The following MSH3 variants were observed in gnomAD, a reference collection of about 807,000 sequenced individuals.
MSH3 encodes the protein mutS homolog 3, also known as DNA mismatch repair protein Msh3.
MSH3 carries 106 observed loss-of-function variants against 123.3 expected under a neutral mutation model. That is an observed-to-expected ratio of 0.86 (90% confidence interval 0.73 to 1.01). MSH3 has a LOEUF of 1.01. Among genes scored for constraint, MSH3 ranks in the 50% least tolerant of loss-of-function variants. MSH3 has a pLI of 0.00. For synonymous variants in MSH3, 515 were observed against 481.4 expected (o/e 1.07, Z -0.91); for missense variants, 1,459 against 1,347.6 (o/e 1.08, Z -1.29).
intron 20 of MSH3, among the ~76,000 whole-genome samples, chr5:80,848,602 G>T (rs974819763): frequency 3.9e-5 from 6 of 152,204 alleles, no homozygotes; most frequent in African/African-American, 1.4e-4. Context: ...ATCTTATGTG[G>T]ATGGCAGCAG....
intron 3 of MSH3, 130 bp from the exon 4 acceptor site, chr5:80,669,967 A>T: frequency 2.4e-6 from 2 of 827,226 alleles, no homozygotes; most frequent in Non-Finnish European, 3.9e-6. Flanking sequence ...GAATGCTACA[A>T]TGTGCTTCTA....
intron 9 of MSH3, among the ~76,000 whole-genome samples, chr5:80,727,361 AAATTAATAAGAT>A (rs1375874506): frequency 6.6e-6 from 1 of 152,362 alleles, no homozygotes; most frequent in South Asian, 2.1e-4. Flanking sequence ...CCTATAGTTA[AAATTAATAAGAT>A]ATTTTACTGA....
chr5:80,679,093 G>C lies in MSH3; in HGVS notation c.1340G>C (p.Ser447Thr), dbSNP rs750818923. ...CTCATCCACAGAGCCACATCTGTTA[G>C]GTAAGTTGGCACATCACTGGAATAT... ...EALIHRATSV[S>T]VQDDRIRVER... The change falls in exon 8 of 24, where the codon AGT (serine) becomes ACT (threonine). Residue 447 changes from serine (S) to threonine (T), a missense_variant and splice_region_variant. Physicochemically the swap from Ser to Thr is moderately conservative, Grantham distance 58. Coordinates refer to ENST00000265081, the MANE Select transcript of MSH3 (RefSeq NM_002439.5). The C allele has an allele frequency of 4.3e-6, 7 of 1,613,824 alleles. No homozygotes were observed. Among genetic ancestry groups the C allele is most frequent in the South Asian group, 1.1e-5 (1 of 91,060 alleles).
chr5:80,654,743 C>T lies in MSH3; in HGVS notation c.16C>T (p.Pro6Ser), dbSNP rs374904719. 2.5e-4 allele frequency: 404 copies of T among 1,602,034 alleles called. 1 individual carries two copies. The highest frequency in any genetic ancestry group is 3.3e-4 in the Non-Finnish European group (388 of 1,175,910). MSRRK[P>S]ASGGLAASSS... ...TTGCCCTGCCATGTCTCGCCGGAAGCCTGCGTCGGGCGGCCTCGCTGCCTC... is the reference window on the plus strand; with the variant it reads ...TTGCCCTGCCATGTCTCGCCGGAAGTCTGCGTCGGGCGGCCTCGCTGCCTC... Residue 6 changes from proline (P) to serine (S), a missense_variant, in exon 1 of 24, where the codon CCT becomes TCT. Physicochemically the swap from Pro to Ser is moderately conservative, Grantham distance 74. Transcript: ENST00000265081.
At chr5:80,816,911 C>T (rs1745110828) in intron 20 of MSH3, among the ~76,000 whole-genome samples, 2 of 152,210 alleles carry the variant, frequency 1.3e-5, no homozygotes, top group Non-Finnish European at 2.9e-5. Context: ...TAGAATTATT[C>T]TGAGACATTC....
At chr5:80,792,937 T>C in intron 19 of MSH3, 93 bp downstream of exon 19, 1 of 844,548 alleles carries the variant, frequency 1.2e-6, no homozygotes, top group South Asian at 1.5e-5. Flanking sequence ...TTACCCAAAT[T>C]TCAACTTTGG....
intron 8 of MSH3, among the ~76,000 whole-genome samples, chr5:80,701,240 A>G (rs997592940): frequency 6.6e-6 from 1 of 152,198 alleles, no homozygotes; most frequent in Non-Finnish European, 1.5e-5. Context: ...AAGGAAAGAC[A>G]GGAGATGAAG....
chr5:80,862,141 A>G (rs1471570602), intron 21 of MSH3, among the ~76,000 whole-genome samples: 1 of 152,164 alleles, frequency 6.6e-6, no homozygotes, highest in Non-Finnish European at 1.5e-5. Context: ...GTCGGATCCC[A>G]GACCCTTAGG....
chr5:80,681,665 A>G (rs947992216), intron 8 of MSH3, among the ~76,000 whole-genome samples: 1 of 145,804 alleles, frequency 6.9e-6, no homozygotes, highest in Non-Finnish European at 1.5e-5. Context: ...TATATATTTT[A>G]TTAATTTAGA....
chr5:80,658,558 C>G (rs1749351143), intron 2 of MSH3, among the ~76,000 whole-genome samples: 1 of 152,142 alleles, frequency 6.6e-6, no homozygotes, highest in South Asian at 2.1e-4. Flanking sequence ...GGGGGAGGAT[C>G]ATTCACTAGT....
chr5:80,736,439 A>G (rs1025601917), intron 10 of MSH3, among the ~76,000 whole-genome samples: 1 of 152,166 alleles, frequency 6.6e-6, no homozygotes, highest in Non-Finnish European at 1.5e-5. Flanking sequence ...AATGTAATAC[A>G]TATAGTTTTA....
intron 10 of MSH3, among the ~76,000 whole-genome samples, chr5:80,739,662 C>T (rs944354350): frequency 3.9e-5 from 6 of 152,180 alleles, no homozygotes; most frequent in African/African-American, 1.2e-4. Context: ...AGTTGCTTCC[C>T]GCTGAAAATC....
chr5:80,832,655 G>A (rs191338219), intron 20 of MSH3, among the ~76,000 whole-genome samples: 3 of 151,586 alleles, frequency 2.0e-5, no homozygotes, highest in African/African-American at 7.3e-5. Context: ...AAGTAGTGAT[G>A]GCTACACAAC....
chr5:80,665,473 T>A, intron 3 of MSH3, 110 bp downstream of exon 3: 1 of 796,834 alleles, frequency 1.3e-6, no homozygotes, highest in Non-Finnish European at 2.1e-6. Flanking sequence ...TTGGATGGTC[T>A]TCTGAATCAT....
chr5:80,835,784 A>G (rs946231400), intron 20 of MSH3, among the ~76,000 whole-genome samples: 1 of 152,074 alleles, frequency 6.6e-6, no homozygotes, highest in Non-Finnish European at 1.5e-5. Flanking sequence ...GCATGGTGGC[A>G]CATTCCTATA....
At chr5:80,801,862 T>G (rs920701646) in intron 19 of MSH3, among the ~76,000 whole-genome samples, 1 of 152,188 alleles carries the variant, frequency 6.6e-6, no homozygotes, top group Non-Finnish European at 1.5e-5. Flanking sequence ...TTGTCCAGAG[T>G]CCACACTAGA....
At chr5:80,844,707 G>A (rs1277235948) in intron 20 of MSH3, among the ~76,000 whole-genome samples, 2 of 142,792 alleles carry the variant, frequency 1.4e-5, no homozygotes, top group African/African-American at 5.2e-5. Context: ...TTTTATCAGA[G>A]ACTAGGATTG....
chr5:80,848,598 T>C (rs1367373148), intron 20 of MSH3, among the ~76,000 whole-genome samples: 1 of 152,208 alleles, frequency 6.6e-6, no homozygotes. Context: ...TCACATCTTA[T>C]GTGGATGGCA....
chr5:80,692,025 ATAAACAGTATGTTTAGATAG>A (rs2112829378), intron 8 of MSH3, among the ~76,000 whole-genome samples: 1 of 109,110 alleles, frequency 9.2e-6, no homozygotes, highest in African/African-American at 3.0e-5. Context: ...GTTTAGATAG[ATAAACAGTATGTTTAGATAG>A]ATAAACATGT....
Sources: gnomAD v4.1 joint callset for allele counts (sites outside exome capture counted in the v4.1 genomes callset) on GRCh38, gnomAD v4.1.1 for gene constraint, MANE v1.5 for transcripts, NCBI Gene and HGNC (gene_info 2026-07-23, HGNC 2026-07-21) for gene names.